The following PRKAG2 variants were observed in gnomAD, a reference collection of about 807,000 sequenced individuals.
The protein encoded by PRKAG2 is protein kinase AMP-activated non-catalytic subunit gamma 2.
Under a neutral mutation model 69.6 loss-of-function variants are expected in PRKAG2, and 26 were observed. That is an observed-to-expected ratio of 0.37 (90% CI 0.27 to 0.52). The LOEUF is 0.52. PRKAG2 is among the 20% of genes least tolerant of loss of function. PRKAG2 has a pLI of 0.90. For synonymous variants in PRKAG2, 293 were observed against 285.0 expected, an observed-to-expected ratio of 1.03 and a Z score of -0.28; for missense variants, 557 against 740.0, an observed-to-expected ratio of 0.75 and a Z score of 2.87.
intron 6 of PRKAG2, among the ~76,000 whole-genome samples, chr7:151,587,202 G>A (rs566852765): frequency 4.1e-4 from 63 of 152,002 alleles, no homozygotes; most frequent in African/African-American, 1.5e-3. Flanking sequence ...TTTTTTTGTT[G>A]GCATTATTCA....
chr7:151,706,575 C>T (rs1838648088), intron 3 of PRKAG2, among the ~76,000 whole-genome samples: 1 of 152,232 alleles, frequency 6.6e-6, no homozygotes, highest in African/African-American at 2.4e-5. Flanking sequence ...AACCAGCACC[C>T]TGACCTGCCT....
chr7:151,728,663 C>T (rs1323270858), intron 3 of PRKAG2, among the ~76,000 whole-genome samples: 1 of 152,206 alleles, frequency 6.6e-6, no homozygotes, highest in African/African-American at 2.4e-5. Context: ...ACGCTGCAGT[C>T]CTGGAATTGT....
chr7:151,740,884 G>A (rs1311894904), intron 3 of PRKAG2, among the ~76,000 whole-genome samples: 8 of 152,168 alleles, frequency 5.3e-5, no homozygotes. Flanking sequence ...GAAATCTACC[G>A]CCAGCTAGGT....
chr7:151,747,494 T>A (rs2074358709), intron 3 of PRKAG2, among the ~76,000 whole-genome samples: 1 of 152,048 alleles, frequency 6.6e-6, no homozygotes, highest in African/African-American at 2.4e-5. Flanking sequence ...AAGGCGGGGT[T>A]TGTAGTGAGC....
chr7:151,816,251 G>C (rs970617384), intron 1 of PRKAG2, among the ~76,000 whole-genome samples: 1 of 152,152 alleles, frequency 6.6e-6, no homozygotes, highest in African/African-American at 2.4e-5. Flanking sequence ...GCGTGCTGTG[G>C]CCAGATAGCT....
At chr7:151,722,494 G>C (rs1797272961) in intron 3 of PRKAG2, among the ~76,000 whole-genome samples, 1 of 152,114 alleles carries the variant, frequency 6.6e-6, no homozygotes, top group Non-Finnish European at 1.5e-5. Context: ...ACTTACCCCA[G>C]CTCCCTCCCC....
chr7:151,813,661 C>T (rs951366510), intron 1 of PRKAG2, among the ~76,000 whole-genome samples: 1 of 152,086 alleles, frequency 6.6e-6, no homozygotes, highest in Non-Finnish European at 1.5e-5. Flanking sequence ...TCAGCCTCCC[C>T]CTCCTCCTCT....
At chr7:151,613,246 C>G (rs1441226329) in intron 5 of PRKAG2, among the ~76,000 whole-genome samples, 1 of 152,292 alleles carries the variant, frequency 6.6e-6, no homozygotes, top group East Asian at 1.9e-4. Flanking sequence ...AAGGCATGAA[C>G]ATGTTTTCCA....
intron 15 of PRKAG2, chr7:151,558,723 C>G: frequency 1.0e-6 from 1 of 985,366 alleles, no homozygotes; most frequent in Non-Finnish European, 1.2e-6. Flanking sequence ...CCCATCTTCA[C>G]GGCACAATTT....
chr7:151,827,763 A>AAAAAAAAAC (rs1563733938), intron 1 of PRKAG2, among the ~76,000 whole-genome samples: 1 of 148,628 alleles, frequency 6.7e-6, no homozygotes, highest in African/African-American at 2.4e-5. Flanking sequence ...AAAAAAAAAA[A>AAAAAAAAAC]AAAAAAAAAA....
chr7:151,854,874 T>C (rs1318711700), intron 1 of PRKAG2, among the ~76,000 whole-genome samples: 1 of 151,966 alleles, frequency 6.6e-6, no homozygotes, highest in Non-Finnish European at 1.5e-5. Context: ...AGTTCCAGGA[T>C]GGCTGAGGGC....
chr7:151,674,303 A>G (rs549363438), intron 4 of PRKAG2, among the ~76,000 whole-genome samples: 2 of 152,342 alleles, frequency 1.3e-5, no homozygotes, highest in East Asian at 3.9e-4. Context: ...TAGCCCTGCC[A>G]ACACCTTGAC....
At chr7:151,680,990 A>C (rs1247754497) in intron 3 of PRKAG2, among the ~76,000 whole-genome samples, 1 of 152,204 alleles carries the variant, frequency 6.6e-6, no homozygotes, top group Non-Finnish European at 1.5e-5. Flanking sequence ...TTGGGTACAG[A>C]ACGTTCATCT....
chr7:151,651,869 C>T (rs957589163), intron 4 of PRKAG2, among the ~76,000 whole-genome samples: 4 of 151,522 alleles, frequency 2.6e-5, no homozygotes, highest in African/African-American at 9.8e-5. Flanking sequence ...ATAAAGGCAG[C>T]GAGTAGAATG....
In PRKAG2 at chr7:151,679,250, G is replaced by A. The variant is rs143677961; in HGVS notation, c.467-3613C>T. 1.0e-2 allele frequency among the ~76,000 whole-genome samples: 1,518 copies of A among 152,302 alleles called. 84 individuals carry two copies. Among genetic ancestry groups the A allele is most frequent in the Admixed American group, 0.087 (1,336 of 15,292 alleles). On this transcript the variant is annotated intron_variant, in intron 3 of 15. Transcript: ENST00000287878. ...AGGCCTGCCCGGGGCCTCTCAGGGG[G>A]ATCTGCAGGGGCAGAGCAAAGAAGC...
Position 151,718,464 on chromosome 7 carries a change from T to C in PRKAG2, c.467-42827A>G, listed in dbSNP as rs1232181276. 2.0e-5 allele frequency among the ~76,000 whole-genome samples: 3 copies of C among 151,852 alleles called. No individual in the cohort carries two copies. In the East Asian group the frequency reaches 5.8e-4, roughly 29 times the overall value. The stretch of plus-strand genomic sequence containing the variant: ...GATCTGGTCCACAGCACGGCACGAG[T>C]CCTCCAGCTGCATGCAGGTCATGGT... On this transcript the variant is annotated intron_variant, in intron 3 of 15. Coordinates refer to ENST00000287878, the MANE Select transcript of PRKAG2 (RefSeq NM_016203.4).
chr7:151,712,665 A>G (rs537461183), intron 3 of PRKAG2, among the ~76,000 whole-genome samples: 6 of 152,324 alleles, frequency 3.9e-5, no homozygotes, highest in African/African-American at 1.2e-4. Context: ...TCCTGTTGCC[A>G]AAAAAGGGAG....
chr7:151,699,146 T>A lies in PRKAG2; in HGVS notation c.467-23509A>T, dbSNP rs1001721193. Among the ~76,000 whole-genome samples, 4 of 121,054 alleles carry A rather than the reference T, an allele frequency of 3.3e-5. No individual in the cohort carries two copies. In the South Asian group the frequency reaches 1.0e-3, roughly 31 times the overall value. The allele number at this position is 121,054 out of a possible 152,430, so 79.4% of individuals were successfully genotyped here. A position where few individuals can be genotyped will look rare whatever the true frequency, so the allele number is the denominator to read the frequency against. On this transcript the variant is annotated intron_variant, in intron 3 of 15. Coordinates refer to ENST00000287878, the MANE Select transcript of PRKAG2 (RefSeq NM_016203.4). The surrounding 1 kb of genome is among the most constrained non-coding windows in gnomAD (Gnocchi z 4.5). Reference sequence around the variant, plus strand: ...AGGCCACCTTTCCTTCTCTGACCTCTGTCCCCATCCCTGCCCCAAGTTGTG... The same window carrying A: ...AGGCCACCTTTCCTTCTCTGACCTCAGTCCCCATCCCTGCCCCAAGTTGTG...
At chr7:151,590,282 C>T (rs1216735560) in intron 6 of PRKAG2, among the ~76,000 whole-genome samples, 1 of 152,236 alleles carries the variant, frequency 6.6e-6, no homozygotes, top group African/African-American at 2.4e-5. Context: ...GACAGAGAAC[C>T]CAACAAGCCT....
Sources: allele counts gnomAD v4.1 joint callset (sites outside exome capture counted in the v4.1 genomes callset), GRCh38; gene constraint gnomAD v4.1.1; non-coding constraint Gnocchi (gnomAD v3.1); transcripts MANE v1.5; gene names NCBI Gene and HGNC (gene_info 2026-07-23, HGNC 2026-07-21).